The following ADGRL3 variants were observed in gnomAD, a reference collection of about 807,000 sequenced individuals.
ADGRL3 encodes the protein calcium-independent alpha-latrotoxin receptor 3.
In ADGRL3, 62 loss-of-function variants were observed where a neutral mutation model predicts 153.5. The ratio of observed to expected loss-of-function variants is 0.40; its 90% CI spans 0.33 to 0.50. ADGRL3 has a LOEUF of 0.50. Among genes scored for constraint, ADGRL3 ranks in the 20% least tolerant of loss-of-function variants. The pLI is 0.47. For synonymous variants in ADGRL3, 710 were observed against 672.5 expected (o/e 1.06, Z -0.86); for missense variants, 1,641 against 1,859.4 (o/e 0.88, Z 2.16).
intron 1 of ADGRL3, among the ~76,000 whole-genome samples, chr4:61,247,284 G>T (rs1757475595): frequency 6.6e-6 from 1 of 151,996 alleles, no homozygotes; most frequent in Non-Finnish European, 1.5e-5. Context: ...GCATTCTGTT[G>T]CAATTCAGAG....
intron 19 of ADGRL3, among the ~76,000 whole-genome samples, chr4:61,994,549 G>A (rs552718537): frequency 6.4e-4 from 97 of 151,730 alleles, no homozygotes; most frequent in Non-Finnish European, 1.2e-3. Context: ...GAGTTTAAAC[G>A]TTATAGCAAA....
intron 1 of ADGRL3, among the ~76,000 whole-genome samples, chr4:61,308,948 T>C (rs1396382658): frequency 6.6e-6 from 1 of 152,176 alleles, no homozygotes; most frequent in Non-Finnish European, 1.5e-5. Flanking sequence ...GGCCACTTCA[T>C]TTCATTTTTT....
At chr4:61,554,757 G>A (rs1303542540) in intron 4 of ADGRL3, among the ~76,000 whole-genome samples, 1 of 152,160 alleles carries the variant, frequency 6.6e-6, no homozygotes, top group Non-Finnish European at 1.5e-5. Flanking sequence ...TGTCCCCTTA[G>A]GTTATGGAGC....
At chr4:61,487,815 A>T (rs767550202) in intron 2 of ADGRL3, among the ~76,000 whole-genome samples, 7 of 152,088 alleles carry the variant, frequency 4.6e-5, no homozygotes, top group Admixed American at 2.6e-4. Context: ...CCAATTGTAT[A>T]TATAGAAAGA....
intron 8 of ADGRL3, among the ~76,000 whole-genome samples, chr4:61,792,665 T>C (rs2097357761): frequency 6.6e-6 from 1 of 151,834 alleles, no homozygotes; most frequent in South Asian, 2.1e-4. Context: ...AATTTTTGTA[T>C]ATTTAGTAGA....
At chr4:61,439,690 T>G (rs2097503931) in intron 2 of ADGRL3, among the ~76,000 whole-genome samples, 1 of 152,002 alleles carries the variant, frequency 6.6e-6, no homozygotes, top group African/African-American at 2.4e-5. Context: ...CACTTATGAG[T>G]GAGAATATGC....
At chr4:61,563,872 G>A (rs2098805615) in intron 4 of ADGRL3, among the ~76,000 whole-genome samples, 1 of 152,120 alleles carries the variant, frequency 6.6e-6, no homozygotes, top group Admixed American at 6.5e-5. Flanking sequence ...GCTGGGCGTG[G>A]TGGTGCGCGC....
At chr4:61,207,738 A>C (rs1037397534) in intron 1 of ADGRL3, among the ~76,000 whole-genome samples, 2 of 152,150 alleles carry the variant, frequency 1.3e-5, no homozygotes, top group Admixed American at 6.5e-5. Flanking sequence ...AATGATCACC[A>C]TTCTAACTGT....
intron 1 of ADGRL3, among the ~76,000 whole-genome samples, chr4:61,236,199 G>A (rs191562153): frequency 1.0e-3 from 155 of 151,818 alleles, no homozygotes; most frequent in African/African-American, 3.5e-3. Flanking sequence ...TAGTACAGAC[G>A]GGGTTTCACC....
At position 61,547,878 on chromosome 4, in the gene ADGRL3, A is replaced by G. The variant is rs142783816; in HGVS notation, c.259+30360A>G. On this transcript the variant is annotated intron_variant, in intron 4 of 26. Coordinates refer to ENST00000683033, the MANE Select transcript of ADGRL3 (RefSeq NM_001387552.1). ...AAATTTACATTTCCACCAAGTGTGT[A>G]TAAGTGTTCTCTTTTCTCTGCAACC... Among the ~76,000 whole-genome samples the G allele has an allele frequency of 5.3e-5, 8 of 152,242 alleles. No homozygotes were observed. In the East Asian group the frequency reaches 9.6e-4, roughly 18 times the overall value.
At chr4:61,340,446 T>C (rs2095785086) in intron 1 of ADGRL3, among the ~76,000 whole-genome samples, 1 of 152,076 alleles carries the variant, frequency 6.6e-6, no homozygotes, top group South Asian at 2.1e-4. Context: ...ACAGCTTTAA[T>C]TTTTCAAGTT....
intron 9 of ADGRL3, among the ~76,000 whole-genome samples, chr4:61,853,959 C>G (rs1440459271): frequency 6.6e-6 from 1 of 152,122 alleles, no homozygotes; most frequent in Non-Finnish European, 1.5e-5. Context: ...GCATATCTAT[C>G]TTTTCTGGTA....
chr4:61,847,753 A>G (rs1427625131), intron 9 of ADGRL3, among the ~76,000 whole-genome samples: 2 of 40,614 alleles, frequency 4.9e-5, no homozygotes, highest in East Asian at 1.4e-3. Context: ...AATATATTAT[A>G]TATAATACAA....
At chr4:62,007,383 T>TATATATATATATATATATAC (rs71213024) in intron 21 of ADGRL3, among the ~76,000 whole-genome samples, 40 of 30,754 alleles carry the variant, frequency 1.3e-3, no homozygotes, top group Non-Finnish European at 2.1e-3. Flanking sequence ...TATATATATA[T>TATATATATATATATATATAC]ACACACACAC....
intron 13 of ADGRL3, among the ~76,000 whole-genome samples, chr4:61,925,607 C>A (rs1329117100): frequency 6.6e-6 from 1 of 152,030 alleles, no homozygotes; most frequent in Admixed American, 6.6e-5. Flanking sequence ...CAGGAGCCGC[C>A]ATATCACATT....
intron 9 of ADGRL3, among the ~76,000 whole-genome samples, chr4:61,847,588 A>ATATATATAATATATAATATAT (rs2098131825): frequency 1.0e-5 from 1 of 99,602 alleles, no homozygotes; most frequent in Non-Finnish European, 1.9e-5. Context: ...GTGTGTGTGT[A>ATATATATAATATATAATATAT]TATATATATA....
At chr4:61,512,420 T>C (rs1016856034) in intron 3 of ADGRL3, among the ~76,000 whole-genome samples, 1 of 152,156 alleles carries the variant, frequency 6.6e-6, no homozygotes, top group Admixed American at 6.5e-5. Flanking sequence ...AGCCATCTTG[T>C]GGAGGCTTCG....
At chr4:61,236,410 C>T (rs1752883926) in intron 1 of ADGRL3, among the ~76,000 whole-genome samples, 2 of 151,856 alleles carry the variant, frequency 1.3e-5, no homozygotes, top group Middle Eastern at 3.2e-3. Flanking sequence ...ACCACCTTGG[C>T]CATTTTTCTA....
rs76342204 is a variant in ADGRL3 at position 61,951,532 on chromosome 4, C to T, written c.2805+3256C>T. Among the ~76,000 whole-genome samples the T allele has an allele frequency of 1.4e-4, 22 of 152,248 alleles. No individual in the cohort carries two copies. In the East Asian group the frequency reaches 2.5e-3, roughly 17 times the overall value. On this transcript the variant is annotated intron_variant, in intron 17 of 26. Coordinates refer to ENST00000683033, the MANE Select transcript of ADGRL3 (RefSeq NM_001387552.1). ...GTTGCAATGTTAGACAGATTATTCC[C>T]AATTCTATGTGGATGATAGATGTCA...
Sources: allele counts gnomAD v4.1 joint callset (sites outside exome capture counted in the v4.1 genomes callset), GRCh38; gene constraint gnomAD v4.1.1; transcripts MANE v1.5; gene names NCBI Gene and HGNC (gene_info 2026-07-23, HGNC 2026-07-21).